The following TEX15 variants were observed in gnomAD, a reference collection of about 807,000 sequenced individuals.
TEX15 encodes testis-expressed protein 15.
TEX15 carries 171 observed loss-of-function variants against 237.3 expected under a neutral mutation model. The ratio of observed to expected loss-of-function variants is 0.72; its 90% CI spans 0.64 to 0.82. TEX15 has a LOEUF of 0.82. TEX15 is among the 40% of genes least tolerant of loss of function. The pLI, the probability that TEX15 is intolerant of heterozygous loss-of-function variation, is 0.00. For missense variants in TEX15, 3,750 were observed against 3,646.5 expected (o/e 1.03, Z -0.73); for synonymous variants, 1,338 against 1,269.8 (o/e 1.05, Z -1.14).
Position 30,846,456 on chromosome 8 carries a change from G to A in TEX15, c.3711C>T (p.Ile1237=). The A allele has an allele frequency of 2.5e-6, 4 of 1,613,184 alleles. No individual in the cohort carries two copies. Among genetic ancestry groups the A allele is most frequent in the Non-Finnish European group, 3.4e-6 (4 of 1,179,696 alleles). ...TACGACTCAAGTCAAAAGAAAGGGA[G>A]ATTTCAGAGTTACTCACTGGCCCTG... is the stretch of plus-strand genomic sequence containing the variant. The part of the protein sequence containing the change: ...QESGPVSNSE[I]SLSFDLSRNT... Residue 1237 remains isoleucine, a synonymous_variant, in exon 8 of 11, where the codon ATC becomes ATT. Transcript: ENST00000643185.
chr8:30,875,856 G>A (rs965351274), intron 3 of TEX15, among the ~76,000 whole-genome samples: 3 of 151,552 alleles, frequency 2.0e-5, no homozygotes, highest in African/African-American at 7.3e-5. Context: ...CAGTAGCCCA[G>A]GCTGGAGTGC....
rs760480344 is a variant in TEX15 at position 30,837,462 on chromosome 8, C to G, written c.8822G>C (p.Cys2941Ser). 1 of 1,614,054 alleles carries G rather than the reference C, an allele frequency of 6.2e-7. No individual in the cohort carries two copies. The highest frequency in any genetic ancestry group is 8.5e-7 in the Non-Finnish European group (1 of 1,179,982). Residue 2941 changes from cysteine to serine, a missense_variant, in exon 10 of 11, where the codon TGT (cysteine) becomes TCT (serine). By Grantham distance (112) the Cys-to-Ser change is moderately radical. Coordinates refer to ENST00000643185, the MANE Select transcript of TEX15 (RefSeq NM_001350162.2). ...SSCMTSPEPI[C>S]IQNKIPTLQI... is the part of the protein sequence containing the mutation. The stretch of plus-strand genomic sequence containing the variant: ...CAGAGTAGGAATTTTGTTCTGGATA[C>G]AGATGGGTTCTGGAGAAGTCATGCA...
intron 7 of TEX15, among the ~76,000 whole-genome samples, chr8:30,856,956 G>A (rs323356): frequency 0.36 from 54,340 of 151,962 alleles, 14,858 homozygotes; most frequent in African/African-American, 0.76. Flanking sequence ...CAAAGGACCA[G>A]AAACAAAAAA....
chr8:30,880,844 A>C (rs1273558304), intron 3 of TEX15, among the ~76,000 whole-genome samples: 2 of 152,060 alleles, frequency 1.3e-5, no homozygotes, highest in Non-Finnish European at 2.9e-5. Flanking sequence ...GTTGTTTATA[A>C]GTCAAATGAA....
At chr8:30,894,715 G>A (rs1169646512) in intron 2 of TEX15, among the ~76,000 whole-genome samples, 1 of 152,084 alleles carries the variant, frequency 6.6e-6, no homozygotes, top group Non-Finnish European at 1.5e-5. Context: ...AACTGCAAAT[G>A]GGTCAAAGAT....
intron 5 of TEX15, among the ~76,000 whole-genome samples, chr8:30,866,866 T>C (rs183167859): frequency 3.1e-3 from 468 of 152,086 alleles, no homozygotes; most frequent in Middle Eastern, 6.8e-3. Context: ...ACAATACTAT[T>C]AACTAAAATA....
At chr8:30,878,615 G>A (rs1808451782) in intron 3 of TEX15, among the ~76,000 whole-genome samples, 1 of 152,034 alleles carries the variant, frequency 6.6e-6, no homozygotes, top group Admixed American at 6.6e-5. Context: ...TTGAACTCCC[G>A]ACCTCAGGTG....
intron 3 of TEX15, among the ~76,000 whole-genome samples, chr8:30,876,382 T>C (rs1184202037): frequency 6.6e-6 from 1 of 152,186 alleles, no homozygotes; most frequent in Non-Finnish European, 1.5e-5. Flanking sequence ...GGTTTAACAT[T>C]TTCCTGACTC....
At position 30,836,990 on chromosome 8, in the gene TEX15, A is replaced by G. The variant is rs1203410406; in HGVS notation, c.9294T>C (p.Thr3098=). Residue 3098 remains threonine (T), a synonymous_variant, in exon 10 of 11, where the codon ACT becomes ACC. Coordinates refer to ENST00000643185, the MANE Select transcript of TEX15 (RefSeq NM_001350162.2). ...TTGCTTGTGGCTCCCCCGCAAAATAAGTAAAATATTGAGAGTACAGAAGAT... is the reference window on the plus strand; with the variant it reads ...TTGCTTGTGGCTCCCCCGCAAAATAGGTAAAATATTGAGAGTACAGAAGAT... The part of the protein sequence containing the change: ...HSNLLYSQYF[T]YFAGEPQANG... 6.2e-7 allele frequency: 1 copy of G among 1,614,146 alleles called. No homozygotes were observed. The highest frequency in any genetic ancestry group is 1.7e-5 in the Admixed American group (1 of 60,012).
In TEX15 at chr8:30,847,304, C is replaced by T; in HGVS notation, c.2863G>A (p.Glu955Lys). Reference protein sequence around the residue: ...TISAVKQKDTENTGRSVEHLA... With the variant: ...TISAVKQKDTKNTGRSVEHLA... ...TGCTCTACACTTCTTCCAGTATTTT[C>T]AGTATCTTTTTGTTTCACGGCACTA... Residue 955 changes from glutamate to lysine, a missense_variant, in exon 8 of 11, where the codon GAA (glutamate) becomes AAA (lysine). Physicochemically the swap from Glu to Lys is moderately conservative, Grantham distance 56 (BLOSUM62 1). Transcript: ENST00000643185. 1 of 1,613,930 alleles carries T rather than the reference C, an allele frequency of 6.2e-7. No homozygotes were observed. The highest frequency in any genetic ancestry group is 1.1e-5 in the South Asian group (1 of 91,074).
intron 2 of TEX15, among the ~76,000 whole-genome samples, chr8:30,892,126 T>C (rs1463186217): frequency 1.3e-5 from 2 of 152,236 alleles, no homozygotes; most frequent in African/African-American, 2.4e-5. Context: ...AAAACTTTCA[T>C]AGTTTTGCCT....
intron 1 of TEX15, among the ~76,000 whole-genome samples, chr8:30,910,166 G>T (rs1424900094): frequency 2.7e-5 from 4 of 150,516 alleles, no homozygotes; most frequent in Admixed American, 1.3e-4. Flanking sequence ...ATCATCCTTC[G>T]GTACAATAAA....
Position 30,846,396 on chromosome 8 carries a change from G to A in TEX15, c.3771C>T (p.Asn1257=), listed in dbSNP as rs1315166922. 1 of 1,613,288 alleles carries A rather than the reference G, an allele frequency of 6.2e-7. No individual in the cohort carries two copies. Among genetic ancestry groups the A allele is most frequent in the Non-Finnish European group, 8.5e-7 (1 of 1,179,668 alleles). The change falls in exon 8 of 11, where the codon AAC becomes AAT. Residue 1257 remains asparagine (N), a synonymous_variant. Transcript: ENST00000643185. Reference sequence around the variant, plus strand: ...AAGGTTCAGTAAACAAAGATTCACTGTTCTGATTTTCAGACGTATGATTCA... The same window carrying A: ...AAGGTTCAGTAAACAAAGATTCACTATTCTGATTTTCAGACGTATGATTCA... ...TDVNHTSENQ[N]SESLFTEPSN...
rs757608892 is a variant in TEX15 at position 30,847,070 on chromosome 8, T to C, written c.3097A>G (p.Thr1033Ala). 7.4e-6 allele frequency: 12 copies of C among 1,612,958 alleles called. No individual in the cohort carries two copies. In the Admixed American group the frequency reaches 1.7e-4, roughly 22 times the overall value. The change falls in exon 8 of 11, where the codon ACG becomes GCG. Residue 1033 changes from threonine to alanine, a missense_variant. Physicochemically the swap from Thr to Ala is moderately conservative, Grantham distance 58 (BLOSUM62 0). Transcript: ENST00000643185. ...KHRVSDCEID[T>A]DKNKSQESFH... ...GATTCTTGTGATTTATTTTTATCCG[T>C]ATCAATTTCACAATCAGAAACCCTA... is the stretch of plus-strand genomic sequence containing the variant.
At chr8:30,838,098 A>G in intron 9 of TEX15, 37 bp from the exon 10 acceptor site, 1 of 1,503,310 alleles carries the variant, frequency 6.7e-7, no homozygotes, top group Non-Finnish European at 8.9e-7. Flanking sequence ...ATGAATTTAA[A>G]TATATAGGGT....
intron 3 of TEX15, among the ~76,000 whole-genome samples, chr8:30,880,064 T>C (rs1808486003): frequency 6.6e-6 from 1 of 152,212 alleles, no homozygotes. Flanking sequence ...AATCTTGCTC[T>C]GTCACCCAGG....
At chr8:30,882,748 T>C (rs1460183452) in intron 3 of TEX15, among the ~76,000 whole-genome samples, 1 of 152,226 alleles carries the variant, frequency 6.6e-6, no homozygotes, top group Admixed American at 6.5e-5. Flanking sequence ...GATTCTTCAA[T>C]ATTCTTCCTG....
intron 2 of TEX15, among the ~76,000 whole-genome samples, chr8:30,893,352 C>A (rs1185762661): frequency 1.3e-5 from 2 of 152,346 alleles, no homozygotes; most frequent in Admixed American, 6.5e-5. Flanking sequence ...GGCTACCCAG[C>A]AACCTTGTTA....
chr8:30,840,066 C>G, intron 8 of TEX15, 102 bp from the exon 9 acceptor site: 1 of 647,240 alleles, frequency 1.5e-6, no homozygotes, highest in Non-Finnish European at 2.4e-6. Context: ...CTTGTTCTGC[C>G]ATCATCTAAA....
Sources: gnomAD v4.1 joint callset for allele counts (sites outside exome capture counted in the v4.1 genomes callset) on GRCh38, gnomAD v4.1.1 for gene constraint, MANE v1.5 for transcripts, NCBI Gene and HGNC (gene_info 2026-07-23, HGNC 2026-07-21) for gene names.